The following GRID2 variants were observed in gnomAD, a reference collection of about 807,000 sequenced individuals.
The protein encoded by GRID2 is glutamate ionotropic receptor delta type subunit 2, also known as glutamate receptor ionotropic, delta-2.
In GRID2, 33 loss-of-function variants were observed where a neutral mutation model predicts 114.8. That is an observed-to-expected ratio of 0.29 (90% CI 0.22 to 0.38). The LOEUF (loss-of-function observed/expected upper bound fraction) is 0.38, where lower values mean the gene tolerates loss of function less well. GRID2 is among the 10% of genes least tolerant of loss of function. The pLI is 1.00. For missense variants in GRID2, 1,184 were observed against 1,257.7 expected (o/e 0.94, Z 0.89); for synonymous variants, 505 against 449.9 (o/e 1.12, Z -1.55).
chr4:92,457,737 T>A (rs1721287473), intron 1 of GRID2, among the ~76,000 whole-genome samples: 4 of 152,096 alleles, frequency 2.6e-5, no homozygotes, highest in Admixed American at 2.6e-4. Flanking sequence ...AATGTGGCAT[T>A]TGCCTCCAAG....
intron 4 of GRID2, among the ~76,000 whole-genome samples, chr4:93,185,475 C>T (rs1446717963): frequency 6.6e-6 from 1 of 152,160 alleles, no homozygotes; most frequent in Non-Finnish European, 1.5e-5. Flanking sequence ...TCTGCATACA[C>T]ATGACAAGGT....
intron 1 of GRID2, among the ~76,000 whole-genome samples, chr4:92,488,970 T>G (rs1357604989): frequency 2.0e-5 from 3 of 152,184 alleles, no homozygotes; most frequent in African/African-American, 7.2e-5. Context: ...ACCACCAATT[T>G]ATAACACAAG....
chr4:92,315,035 G>C (rs1287034400), intron 1 of GRID2, among the ~76,000 whole-genome samples: 2 of 152,082 alleles, frequency 1.3e-5, no homozygotes, highest in Non-Finnish European at 2.9e-5. Context: ...CATGAGGAAA[G>C]GAAATGTTCT....
chr4:92,639,333 A>C (rs1239872013), intron 2 of GRID2, among the ~76,000 whole-genome samples: 2 of 151,860 alleles, frequency 1.3e-5, no homozygotes, highest in Non-Finnish European at 2.9e-5. Context: ...ATTAGGTCTC[A>C]TATATCTAAT....
chr4:92,361,440 G>T (rs1369106284), intron 1 of GRID2, among the ~76,000 whole-genome samples: 1 of 151,978 alleles, frequency 6.6e-6, no homozygotes, highest in Non-Finnish European at 1.5e-5. Flanking sequence ...CAGAACAAAA[G>T]TTCTGGAAAG....
intron 4 of GRID2, among the ~76,000 whole-genome samples, chr4:93,179,214 T>C (rs1225980149): frequency 2.0e-5 from 3 of 152,194 alleles, no homozygotes; most frequent in Non-Finnish European, 4.4e-5. Flanking sequence ...TAAATCAGTT[T>C]GATATCTAAT....
At chr4:93,332,299 TGAGAGAGA>T (rs10596544) in intron 8 of GRID2, among the ~76,000 whole-genome samples, 13 of 121,042 alleles carry the variant, frequency 1.1e-4, no homozygotes, top group African/African-American at 3.3e-4. Context: ...TGTGTGTGTG[TGAGAGAGA>T]GAGAGAGAGA....
At chr4:92,638,362 C>T (rs1731176984) in intron 2 of GRID2, among the ~76,000 whole-genome samples, 1 of 150,750 alleles carries the variant, frequency 6.6e-6, no homozygotes, top group Admixed American at 6.7e-5. Context: ...GCTTACTGTA[C>T]AATCAGCACC....
intron 3 of GRID2, among the ~76,000 whole-genome samples, chr4:93,105,401 G>C (rs1229103887): frequency 6.6e-6 from 1 of 152,154 alleles, no homozygotes; most frequent in Non-Finnish European, 1.5e-5. Context: ...GTCCTGAACG[G>C]TAATGCCTAG....
chr4:92,440,743 G>C (rs1006245968), intron 1 of GRID2, among the ~76,000 whole-genome samples: 4 of 152,014 alleles, frequency 2.6e-5, no homozygotes, highest in Non-Finnish European at 5.9e-5. Flanking sequence ...ATCAGGGTGA[G>C]GAACAGGAAA....
chr4:93,342,498 C>A (rs1759772307), intron 8 of GRID2, among the ~76,000 whole-genome samples: 1 of 152,140 alleles, frequency 6.6e-6, no homozygotes. Flanking sequence ...TAATCATACT[C>A]TTCACAATTT....
intron 1 of GRID2, among the ~76,000 whole-genome samples, chr4:92,437,414 G>A (rs1732787302): frequency 6.6e-6 from 1 of 152,050 alleles, no homozygotes; most frequent in Non-Finnish European, 1.5e-5. Flanking sequence ...CATGAAGCTG[G>A]GATTACAGGC....
intron 8 of GRID2, among the ~76,000 whole-genome samples, chr4:93,242,753 T>G (rs1747690672): frequency 6.6e-6 from 1 of 151,936 alleles, no homozygotes; most frequent in Non-Finnish European, 1.5e-5. Context: ...GGGTAGGTTC[T>G]AGGCACTCAT....
Position 93,084,958 on chromosome 4 carries a change from C to T in GRID2, c.245-37C>T, listed in dbSNP as rs768302621. ...TCAAAAAGGGAAAACTATGTGAAAC[C>T]CACTGACATTTTGAATATTACTGTG... On this transcript the variant is annotated intron_variant, in intron 2 of 15. Coordinates refer to ENST00000282020, the MANE Select transcript of GRID2 (RefSeq NM_001510.4). The T allele has an allele frequency of 2.6e-6, 4 of 1,562,812 alleles. No homozygotes were observed. The South Asian group carries it at 3.4e-5, about 13-fold the overall frequency.
At chr4:93,036,355 T>A (rs988486535) in intron 2 of GRID2, among the ~76,000 whole-genome samples, 1 of 152,104 alleles carries the variant, frequency 6.6e-6, no homozygotes, top group Non-Finnish European at 1.5e-5. Flanking sequence ...AGTGTTTGGA[T>A]CTCCTACTCC....
intron 2 of GRID2, among the ~76,000 whole-genome samples, chr4:92,910,701 A>G (rs1748308524): frequency 6.6e-6 from 1 of 152,082 alleles, no homozygotes; most frequent in South Asian, 2.1e-4. Context: ...ATACACCAAA[A>G]TTTACAGATG....
chr4:92,938,468 A>T (rs1750833270), intron 2 of GRID2, among the ~76,000 whole-genome samples: 1 of 146,782 alleles, frequency 6.8e-6, no homozygotes. Flanking sequence ...TACTACTTCT[A>T]TTTCTAAATC....
intron 1 of GRID2, among the ~76,000 whole-genome samples, chr4:92,468,242 A>G (rs1199680337): frequency 6.6e-6 from 1 of 151,998 alleles, no homozygotes; most frequent in Non-Finnish European, 1.5e-5. Context: ...ATACAATTCC[A>G]TAATAACCAC....
intron 8 of GRID2, among the ~76,000 whole-genome samples, chr4:93,324,973 T>C (rs1297762337): frequency 1.3e-5 from 2 of 152,124 alleles, no homozygotes; most frequent in African/African-American, 2.4e-5. Flanking sequence ...TTTGTTGATC[T>C]TTTCAAAAAA....
Sources: gnomAD v4.1 joint callset for allele counts (sites outside exome capture counted in the v4.1 genomes callset) on GRCh38, gnomAD v4.1.1 for gene constraint, MANE v1.5 for transcripts, NCBI Gene and HGNC (gene_info 2026-07-23, HGNC 2026-07-21) for gene names.